Variants in CXXC4 observed in about 807,000 individuals in gnomAD.
The protein encoded by CXXC4 is CXXC finger protein 4, also known as CXXC-type zinc finger protein 4.
CXXC4 carries 5 observed loss-of-function variants against 20.5 expected under a neutral mutation model. The observed-to-expected ratio is 0.24, with a 90% CI of 0.13 to 0.51. The LOEUF (loss-of-function observed/expected upper bound fraction) is 0.51. CXXC4 is among the 20% of genes least tolerant of loss of function. The probability of loss-of-function intolerance (pLI) is 0.97; values close to 1 mark genes in which losing one functional copy is unlikely to be tolerated. For missense variants in CXXC4, 419 were observed against 496.4 expected (o/e 0.84, Z 1.48); for synonymous variants, 250 against 216.4 (o/e 1.16, Z -1.36).
chr4:104,491,018 G>A lies in CXXC4; in HGVS notation c.785C>T (p.Ala262Val). ...ACTGTCTGTGACGGCTGCTGAGGCT[G>A]CTGCGGGGGAGTGAAGGGCTGTCAT... ...IVMTALHSPA[A>V]ASAAVTDSAF... The change falls in exon 2 of 3, where the codon GCA (alanine) becomes GTA (valine). Residue 262 changes from alanine to valine, a missense_variant. Transcript: ENST00000394767. The A allele has an allele frequency of 6.2e-7, 1 of 1,614,082 alleles. No individual in the cohort carries two copies. Among genetic ancestry groups the A allele is most frequent in the South Asian group, 1.1e-5 (1 of 91,080 alleles).
At chr4:104,485,449 T>C (rs1736662499) in intron 2 of CXXC4, among the ~76,000 whole-genome samples, 2 of 152,096 alleles carry the variant, frequency 1.3e-5, no homozygotes, top group Admixed American at 6.5e-5. Flanking sequence ...TCCACTCATA[T>C]TGAATAGTAG....
At chr4:104,489,343 T>TA (rs571697639) in intron 2 of CXXC4, among the ~76,000 whole-genome samples, 44 of 151,624 alleles carry the variant, frequency 2.9e-4, no homozygotes, top group African/African-American at 7.2e-4. Flanking sequence ...AATTAAAGGT[T>TA]AAAAAAAAAA....
chr4:104,478,937 T>C (rs1277195673), intron 2 of CXXC4, among the ~76,000 whole-genome samples: 1 of 152,028 alleles, frequency 6.6e-6, no homozygotes, highest in Non-Finnish European at 1.5e-5. Context: ...TTTGCATGTA[T>C]ATATATGTAT....
intron 2 of CXXC4, among the ~76,000 whole-genome samples, chr4:104,476,143 C>A (rs2110271107): frequency 6.6e-6 from 1 of 152,140 alleles, no homozygotes; most frequent in East Asian, 1.9e-4. Context: ...AGTCCAAGTA[C>A]ATTTTATATT....
chr4:104,490,167 AAT>A (rs1159298865), intron 2 of CXXC4, among the ~76,000 whole-genome samples: 3 of 152,226 alleles, frequency 2.0e-5, no homozygotes, highest in Admixed American at 2.0e-4. Flanking sequence ...CAGAAAATAA[AAT>A]AGAAAACATT....
intron 2 of CXXC4, among the ~76,000 whole-genome samples, chr4:104,477,901 A>G (rs1275427820): frequency 6.6e-6 from 1 of 152,112 alleles, no homozygotes; most frequent in Non-Finnish European, 1.5e-5. Context: ...TGTCTTTGGT[A>G]TAATCACACC....
intron 2 of CXXC4, among the ~76,000 whole-genome samples, chr4:104,478,110 T>C (rs765874905): frequency 6.6e-6 from 1 of 152,158 alleles, no homozygotes; most frequent in Non-Finnish European, 1.5e-5. Context: ...GTGACCAAGA[T>C]TTCTCCGATT....
At position 104,491,566 on chromosome 4, in the gene CXXC4, C is replaced by G. The variant is rs531108033; in HGVS notation, c.237G>C (p.Ala79=). 9.3e-6 allele frequency: 14 copies of G among 1,508,840 alleles called. No homozygotes were observed. Among genetic ancestry groups the G allele is most frequent in the East Asian group, 5.4e-5 (2 of 37,102 alleles). The allele number at this position is 1,508,840 out of a possible 1,614,324, so 93.5% of individuals were successfully genotyped here. ...PIFPSSAAAA[A]AAARIGMSPW... ...GGGACATGCCGATGCGCGCGGCGGC[C>G]GCGGCGGCGGCGGCGCTGCTGGGGA... The change falls in exon 2 of 3, where the codon GCG becomes GCC. Residue 79 remains alanine (A), a synonymous_variant. Coordinates refer to ENST00000394767, the MANE Select transcript of CXXC4 (RefSeq NM_025212.4).
At chr4:104,477,909 A>G (rs1736455667) in intron 2 of CXXC4, among the ~76,000 whole-genome samples, 1 of 152,130 alleles carries the variant, frequency 6.6e-6, no homozygotes, top group Admixed American at 6.6e-5. Flanking sequence ...GTATAATCAC[A>G]CCTTATTTTG....
intron 2 of CXXC4, among the ~76,000 whole-genome samples, chr4:104,488,654 A>G: frequency 6.6e-6 from 1 of 152,274 alleles, no homozygotes; most frequent in East Asian, 1.9e-4. Flanking sequence ...GTGCATGAGA[A>G]TTTTTTAAAA....
chr4:104,483,587 CAT>C (rs751127293), intron 2 of CXXC4, among the ~76,000 whole-genome samples: 3 of 150,854 alleles, frequency 2.0e-5, no homozygotes, highest in South Asian at 2.1e-4. Flanking sequence ...TATGTACACT[CAT>C]ATATATATAT....
rs758633689 is a variant in CXXC4 at position 104,491,173 on chromosome 4, C to T, written c.630G>A (p.Ala210=). ...ATTTGAGCTTGTTCATGCATTCCCC[C>T]GCCAAAGGTCTGCAGTGTTCAGGGG... ...TLSPEHCRPL[A]GECMNKLKCG... Residue 210 remains alanine (A), a synonymous_variant, in exon 2 of 3, where the codon GCG becomes GCA. Transcript: ENST00000394767. The T allele has an allele frequency of 6.2e-7, 1 of 1,613,880 alleles. No homozygotes were observed. The highest frequency in any genetic ancestry group is 8.5e-7 in the Non-Finnish European group (1 of 1,179,990).
Position 104,491,307 on chromosome 4 carries a change from T to TGCCGCCGCCGCC in CXXC4, c.484_495dup (p.Gly162_Gly165dup), listed in dbSNP as rs532524986. On this transcript the variant is annotated inframe_insertion, in exon 2 of 3. Transcript: ENST00000394767. Reference sequence around the variant, plus strand: ...TTTCGGTGGTGCATGCTGGTCCTGCTGCCGCCGCCGCCGCCGCCGCCGCCA... The same window carrying TGCCGCCGCCGCC: ...TTTCGGTGGTGCATGCTGGTCCTGCTGCCGCCGCCGCCGCCGCCGCCGCCGCCGCCGCCGCCA... 25 of 1,572,814 alleles carry TGCCGCCGCCGCC rather than the reference T, an allele frequency of 1.6e-5. No homozygotes were observed. The highest frequency in any genetic ancestry group is 1.1e-4 in the South Asian group (10 of 86,980).
rs888914821 is a variant in CXXC4 at position 104,469,263 on chromosome 4, C to G, written c.*3059G>C. ...GTGATGTTATGGTGCTGAGTGACAACTGAAAAGGAAATTGGCTCACTGCAC... is the reference window on the plus strand; with the variant it reads ...GTGATGTTATGGTGCTGAGTGACAAGTGAAAAGGAAATTGGCTCACTGCAC... On this transcript the variant is annotated 3_prime_UTR_variant, in exon 3 of 3. Transcript: ENST00000394767. 1 of 151,956 alleles carries G rather than the reference C, an allele frequency of 6.6e-6. No homozygotes were observed. Among genetic ancestry groups the G allele is most frequent in the African/African-American group, 2.4e-5 (1 of 41,412 alleles). 9.4% of individuals were successfully genotyped at this position (151,956 alleles called of 1,614,324 possible).
At chr4:104,472,517 G>A in intron 2 of CXXC4, 151 bp from the exon 3 acceptor site, 2 of 503,834 alleles carry the variant, frequency 4.0e-6, no homozygotes, top group East Asian at 3.2e-5. Context: ...AAGAAGAAAT[G>A]CTCAATCTTA....
chr4:104,484,854 A>T (rs1180714275), intron 2 of CXXC4, among the ~76,000 whole-genome samples: 1 of 151,974 alleles, frequency 6.6e-6, no homozygotes, highest in African/African-American at 2.4e-5. Flanking sequence ...CTTTTCGATT[A>T]CCCTGCAGAA....
Position 104,491,882 on chromosome 4 carries a change from TGGGG to T in CXXC4, c.-84_-81del. 16 of 37,890 alleles carry T rather than the reference TGGGG, an allele frequency of 4.2e-4. No individual in the cohort carries two copies. The highest frequency in any genetic ancestry group is 5.6e-4 in the Non-Finnish European group (15 of 26,642). 2.3% of individuals were successfully genotyped at this position (37,890 alleles called of 1,614,324 possible). The stretch of plus-strand genomic sequence containing the variant: ...CACCTGGGTGGAAAAGGGGGAAAGG[TGGGG>T]GGGAGGGAAGGGAGTGATGGTGGTG... On this transcript the variant is annotated 5_prime_UTR_variant, in exon 2 of 3. Transcript: ENST00000394767.
Position 104,491,052 on chromosome 4 carries a change from C to G in CXXC4, c.751G>C (p.Val251Leu). ...GAGTGAAGGGCTGTCATGACGATGACCCCTGGAGGTAATGAGATGCCCCCT... is the reference window on the plus strand; with the variant it reads ...GAGTGAAGGGCTGTCATGACGATGAGCCCTGGAGGTAATGAGATGCCCCCT... ...ALGGISLPPG[V>L]IVMTALHSPA... The change falls in exon 2 of 3, where the codon GTC (valine) becomes CTC (leucine). Residue 251 changes from valine (V) to leucine (L), a missense_variant. Physicochemically the swap from Val to Leu is conservative, Grantham distance 32 (BLOSUM62 1). Coordinates refer to ENST00000394767, the MANE Select transcript of CXXC4 (RefSeq NM_025212.4). The G allele has an allele frequency of 6.2e-7, 1 of 1,613,956 alleles. No individual in the cohort carries two copies. Among genetic ancestry groups the G allele is most frequent in the Non-Finnish European group, 8.5e-7 (1 of 1,179,968 alleles).
chr4:104,489,891 CTG>C (rs1736796070), intron 2 of CXXC4, among the ~76,000 whole-genome samples: 1 of 152,184 alleles, frequency 6.6e-6, no homozygotes, highest in South Asian at 2.1e-4. Context: ...TCAACCAAAA[CTG>C]TGCTTGGTGT....
Sources: allele counts gnomAD v4.1 joint callset (sites outside exome capture counted in the v4.1 genomes callset), GRCh38; gene constraint gnomAD v4.1.1; transcripts MANE v1.5; gene names NCBI Gene and HGNC (gene_info 2026-07-23, HGNC 2026-07-21).